The following PITPNM2 variants were observed in gnomAD, a reference collection of about 807,000 sequenced individuals.
PITPNM2 encodes the protein membrane-associated phosphatidylinositol transfer protein 2.
PITPNM2 carries 35 observed loss-of-function variants against 132.2 expected under a neutral mutation model. The ratio of observed to expected loss-of-function variants is 0.26; its 90% CI spans 0.20 to 0.35. The LOEUF (loss-of-function observed/expected upper bound fraction) is 0.35, where lower values mean the gene tolerates loss of function less well. PITPNM2 is among the 10% of genes least tolerant of loss of function. The pLI is 1.00. For missense variants in PITPNM2, 1,332 were observed against 1,912.0 expected, an observed-to-expected ratio of 0.70 and a Z score of 5.66; for synonymous variants, 738 against 799.2, an observed-to-expected ratio of 0.92 and a Z score of 1.29.
chr12:123,000,649 C>A lies in PITPNM2; in HGVS notation c.1224+129G>T. ...GGCCCAGGCCTCTCCCCAGACAGTA[C>A]CCAGGCAGGCGTGGAGGTGAGGCTG... On this transcript the variant is annotated intron_variant, in intron 10 of 25. Transcript: ENST00000320201. The surrounding 1 kb of genome is among the most constrained non-coding windows in gnomAD (Gnocchi z 5.4). The A allele has an allele frequency of 9.5e-7, 1 of 1,050,674 alleles. No individual in the cohort carries two copies. The highest frequency in any genetic ancestry group is 1.4e-6 in the Non-Finnish European group (1 of 711,310). The allele number at this position is 1,050,674 out of a possible 1,614,324, so 65.1% of individuals were successfully genotyped here.
At chr12:123,122,588 G>A (rs1258816080) in intron 1 of PITPNM2, among the ~76,000 whole-genome samples, 2 of 152,206 alleles carry the variant, frequency 1.3e-5, no homozygotes, top group African/African-American at 4.8e-5. Flanking sequence ...CTGAAGGTTA[G>A]CTTCTGGTGT....
intron 2 of PITPNM2, among the ~76,000 whole-genome samples, chr12:123,040,932 T>A (rs996048303): frequency 1.3e-5 from 2 of 152,022 alleles, no homozygotes; most frequent in African/African-American, 4.8e-5. Context: ...CTGGAGAGGG[T>A]TCCATCAGAT....
intron 1 of PITPNM2, among the ~76,000 whole-genome samples, chr12:123,116,039 G>A (rs927585312): frequency 6.6e-5 from 10 of 152,312 alleles, no homozygotes; most frequent in African/African-American, 2.2e-4. Context: ...GGTGGTTGCC[G>A]GGGACTGTTA....
chr12:122,986,972 G>A, intron 23 of PITPNM2, 143 bp from the exon 24 acceptor site: 9 of 1,175,388 alleles, frequency 7.7e-6, no homozygotes, highest in Non-Finnish European at 1.1e-5. Flanking sequence ...GGTTGACAAT[G>A]ACGTGCTGCA....
rs1056047616 is a variant in PITPNM2, at chr12:123,064,577, C to G, written c.-95-29892G>C. On this transcript the variant is annotated intron_variant, in intron 2 of 25. Transcript: ENST00000320201. The surrounding 1 kb of genome is among the most constrained non-coding windows in gnomAD (Gnocchi z 4.0). Reference sequence around the variant, plus strand: ...GGGCTATTTCGGGAAGCTCTGCGCACAGCCCGCCACTTCCCTGCCAGGCTG... The same window carrying G: ...GGGCTATTTCGGGAAGCTCTGCGCAGAGCCCGCCACTTCCCTGCCAGGCTG... Among the ~76,000 whole-genome samples the G allele has an allele frequency of 4.6e-5, 7 of 152,196 alleles. No individual in the cohort carries two copies. The highest frequency in any genetic ancestry group is 1.3e-4 in the Admixed American group (2 of 15,290).
chr12:123,041,304 G>A (rs1487721586), intron 2 of PITPNM2, among the ~76,000 whole-genome samples: 4 of 152,166 alleles, frequency 2.6e-5, no homozygotes, highest in Non-Finnish European at 5.9e-5. Flanking sequence ...TCTGGAAGGC[G>A]GGTCCCTGAG....
intron 2 of PITPNM2, among the ~76,000 whole-genome samples, chr12:123,043,106 T>C (rs574286438): frequency 2.6e-5 from 4 of 152,068 alleles, no homozygotes; most frequent in Middle Eastern, 3.4e-3. Context: ...CAGAGATTTC[T>C]TTTGAAGAAA....
intron 1 of PITPNM2, among the ~76,000 whole-genome samples, chr12:123,136,251 G>A (rs929792611): frequency 1.3e-5 from 2 of 151,522 alleles, no homozygotes; most frequent in Admixed American, 1.3e-4. Flanking sequence ...GCAGTGAGCC[G>A]AGATCGCACC....
chr12:123,042,000 G>A (rs1202687158), intron 2 of PITPNM2, among the ~76,000 whole-genome samples: 1 of 152,150 alleles, frequency 6.6e-6, no homozygotes, highest in Non-Finnish European at 1.5e-5. Flanking sequence ...CCGTGTCAGA[G>A]TGGGGCCACT....
intron 3 of PITPNM2, among the ~76,000 whole-genome samples, chr12:123,026,302 G>A (rs114462897): frequency 4.6e-5 from 7 of 152,318 alleles, no homozygotes; most frequent in Non-Finnish European, 8.8e-5. Context: ...ATGGAGTGAC[G>A]TGGCCACAAA....
chr12:123,084,724 G>T (rs2042064275), intron 2 of PITPNM2: 1 of 152,042 alleles, frequency 6.6e-6, no homozygotes, highest in African/African-American at 2.4e-5. Flanking sequence ...CCCAAAACAA[G>T]AATAAATCAG....
chr12:122,996,625 A>G, intron 12 of PITPNM2, 48 bp from the exon 13 acceptor site: 1 of 1,612,132 alleles, frequency 6.2e-7, no homozygotes, highest in Non-Finnish European at 8.5e-7. Flanking sequence ...CGCTCGCTGG[A>G]CTATAGGCTG....
intron 2 of PITPNM2, chr12:123,089,934 T>C (rs1347269150): frequency 6.6e-6 from 1 of 152,244 alleles, no homozygotes; most frequent in Non-Finnish European, 1.5e-5. Context: ...GCTTTGCCCA[T>C]GAACAAAGAT....
chr12:123,113,711 A>ACCC (rs58869258), intron 1 of PITPNM2, among the ~76,000 whole-genome samples: 2 of 151,422 alleles, frequency 1.3e-5, no homozygotes, highest in East Asian at 3.9e-4. Flanking sequence ...AACCCAACAA[A>ACCC]CCCCCCCACC....
chr12:123,139,899 C>T (rs1269231664), intron 1 of PITPNM2, among the ~76,000 whole-genome samples: 1 of 152,170 alleles, frequency 6.6e-6, no homozygotes, highest in African/African-American at 2.4e-5. Context: ...CCACAGACCA[C>T]CTCCCCCAAG....
chr12:123,135,793 C>T (rs895476731), intron 1 of PITPNM2, among the ~76,000 whole-genome samples: 9 of 152,170 alleles, frequency 5.9e-5, no homozygotes, highest in African/African-American at 1.7e-4. Context: ...ACCATAGCCC[C>T]AAACTCCTGA....
At position 123,000,168 on chromosome 12, in the gene PITPNM2, G is replaced by A. The variant is rs550594288; in HGVS notation, c.1224+610C>T. The A allele has an allele frequency of 1.1e-5, 6 of 557,030 alleles. No individual in the cohort carries two copies. The highest frequency in any genetic ancestry group is 5.8e-5 in the East Asian group (2 of 34,304). The allele number at this position is 557,030 out of a possible 1,614,324, so 34.5% of individuals were successfully genotyped here. A position where few individuals can be genotyped will look rare whatever the true frequency, so the allele number is the denominator to read the frequency against. On this transcript the variant is annotated intron_variant, in intron 10 of 25. Transcript: ENST00000320201. The surrounding 1 kb of genome is among the most constrained non-coding windows in gnomAD (Gnocchi z 5.4). ...AGGTAGCTTGAGGCCAGAGCAGTGC[G>A]GTGACCGCAGGTGATGGTGGGACAG...
At chr12:123,066,491 C>T (rs1213769525) in intron 2 of PITPNM2, among the ~76,000 whole-genome samples, 1 of 152,094 alleles carries the variant, frequency 6.6e-6, no homozygotes, top group Non-Finnish European at 1.5e-5. Context: ...GGAGTGAGTC[C>T]GTGACCTCAC....
chr12:123,041,143 A>G (rs1293965130), intron 2 of PITPNM2, among the ~76,000 whole-genome samples: 1 of 152,082 alleles, frequency 6.6e-6, no homozygotes, highest in Admixed American at 6.5e-5. Context: ...TTGATCTTTC[A>G]TTTTGTCTTC....
Sources: gnomAD v4.1 joint callset for allele counts (sites outside exome capture counted in the v4.1 genomes callset) on GRCh38, gnomAD v4.1.1 for gene constraint, Gnocchi (gnomAD v3.1) non-coding constraint, MANE v1.5 for transcripts, NCBI Gene and HGNC (gene_info 2026-07-23, HGNC 2026-07-21) for gene names.